The following RAPGEF1 variants were observed in gnomAD, a reference collection of about 807,000 sequenced individuals.
RAPGEF1 encodes the protein CRK SH3-binding GNRP.
RAPGEF1 carries 33 observed loss-of-function variants against 143.3 expected under a neutral mutation model. That is an observed-to-expected ratio of 0.23 (90% CI 0.17 to 0.31). The LOEUF (loss-of-function observed/expected upper bound fraction) is 0.31. Ranked by LOEUF, RAPGEF1 falls within the 10% of genes least tolerant of loss-of-function variation. The pLI is 1.00. For missense variants in RAPGEF1, 1,199 were observed against 1,645.4 expected, an observed-to-expected ratio of 0.73 and a Z score of 4.69; for synonymous variants, 629 against 676.5, an observed-to-expected ratio of 0.93 and a Z score of 1.09.
At chr9:131,711,125 A>C (rs939322771) in intron 1 of RAPGEF1, among the ~76,000 whole-genome samples, 2 of 149,570 alleles carry the variant, frequency 1.3e-5, no homozygotes, top group Non-Finnish European at 3.0e-5. Context: ...ATCATGGCTC[A>C]CTGCAACCTC....
chr9:131,628,997 G>A lies in RAPGEF1; in HGVS notation c.893+105C>T, dbSNP rs1964104322. ...CAGCTCCAGAGTCAGCCTCCCAAGG[G>A]GGGCCAAGCCCTCAGCGCTGAGGGG... On this transcript the variant is annotated intron_variant, in intron 7 of 26. Transcript: ENST00000683357. This position sits in a 1 kb window ranked among gnomAD's most constrained non-coding sequence, Gnocchi z 5.7. 1 of 1,433,554 alleles carries A rather than the reference G, an allele frequency of 7.0e-7. No individual in the cohort carries two copies. The highest frequency in any genetic ancestry group is 9.3e-7 in the Non-Finnish European group (1 of 1,075,848). The allele number at this position is 1,433,554 out of a possible 1,614,324, so 88.8% of individuals were successfully genotyped here.
At chr9:131,612,676 C>A (rs969906266) in intron 12 of RAPGEF1, among the ~76,000 whole-genome samples, 2 of 152,306 alleles carry the variant, frequency 1.3e-5, no homozygotes, top group Admixed American at 6.5e-5. Context: ...TCTGCATGTA[C>A]CTCCTTCCAC....
At chr9:131,672,437 A>G (rs1831554319) in intron 1 of RAPGEF1, among the ~76,000 whole-genome samples, 1 of 152,216 alleles carries the variant, frequency 6.6e-6, no homozygotes, top group African/African-American at 2.4e-5. Context: ...TCTGGATGCC[A>G]GCTCTTTAGC....
chr9:131,601,352 G>A (rs193051671), intron 15 of RAPGEF1, among the ~76,000 whole-genome samples: 1 of 152,066 alleles, frequency 6.6e-6, no homozygotes, highest in South Asian at 2.1e-4. Flanking sequence ...AAGTGGAGGG[G>A]GTGTCTTTTA....
At chr9:131,713,239 TG>T (rs1254712990) in intron 1 of RAPGEF1, among the ~76,000 whole-genome samples, 1 of 152,084 alleles carries the variant, frequency 6.6e-6, no homozygotes, top group Non-Finnish European at 1.5e-5. Flanking sequence ...GACCTGGCCA[TG>T]TGTTATCAAG....
At chr9:131,665,810 C>T (rs1476570299) in intron 1 of RAPGEF1, among the ~76,000 whole-genome samples, 1 of 152,184 alleles carries the variant, frequency 6.6e-6, no homozygotes, top group Non-Finnish European at 1.5e-5. Flanking sequence ...GCTCTTAGAA[C>T]AAGCTGCATC....
At chr9:131,695,401 C>A (rs1834094084) in intron 1 of RAPGEF1, among the ~76,000 whole-genome samples, 1 of 152,184 alleles carries the variant, frequency 6.6e-6, no homozygotes, top group African/African-American at 2.4e-5. Context: ...CATGGATGAG[C>A]CATTTAGTGT....
Position 131,584,716 on chromosome 9 carries a change from T to C in RAPGEF1, c.3234-120A>G. Reference sequence around the variant, plus strand: ...CCAGTGGCCACGAGCCCACCCCTACTGAATACCTGCAGCCTGCCCCAGGCA... The same window carrying C: ...CCAGTGGCCACGAGCCCACCCCTACCGAATACCTGCAGCCTGCCCCAGGCA... On this transcript the variant is annotated intron_variant, in intron 22 of 26. Transcript: ENST00000683357. The surrounding 1 kb of genome is among the most constrained non-coding windows in gnomAD (Gnocchi z 6.8). 1 of 864,100 alleles carries C rather than the reference T, an allele frequency of 1.2e-6. No individual in the cohort carries two copies. Among genetic ancestry groups the C allele is most frequent in the Non-Finnish European group, 1.9e-6 (1 of 530,864 alleles). 53.5% of individuals were successfully genotyped at this position (864,100 alleles called of 1,614,324 possible).
intron 14 of RAPGEF1, among the ~76,000 whole-genome samples, chr9:131,603,694 C>A (rs1399919390): frequency 6.6e-6 from 1 of 152,184 alleles, no homozygotes; most frequent in African/African-American, 2.4e-5. Flanking sequence ...ACGCTGGTCC[C>A]AGAGATTTCT....
chr9:131,689,206 G>A (rs1205100405), intron 1 of RAPGEF1, among the ~76,000 whole-genome samples: 1 of 152,096 alleles, frequency 6.6e-6, no homozygotes, highest in Admixed American at 6.6e-5. Flanking sequence ...TACCTGTCTT[G>A]TTTGTCAACA....
chr9:131,698,255 G>T (rs1834341711), intron 1 of RAPGEF1, among the ~76,000 whole-genome samples: 1 of 152,194 alleles, frequency 6.6e-6, no homozygotes, highest in Admixed American at 6.5e-5. Context: ...GCAAAGGGAG[G>T]AGGGGCCCTC....
At position 131,626,452 on chromosome 9, in the gene RAPGEF1, C is replaced by T. The variant is rs551145509; in HGVS notation, c.1202-30G>A. 775 of 1,530,610 alleles carry T rather than the reference C, an allele frequency of 5.1e-4. 10 individuals carry two copies. In the South Asian group the frequency reaches 9.1e-3, roughly 18 times the overall value. 94.8% of individuals were successfully genotyped at this position (1,530,610 alleles called of 1,614,324 possible). A position where few individuals can be genotyped will look rare whatever the true frequency, so the allele number is the denominator to read the frequency against. On this transcript the variant is annotated intron_variant, in intron 9 of 26. Transcript: ENST00000683357. Reference sequence around the variant, plus strand: ...AGTTACAACAGGGGAAAAAGAGACCCGTTAGCCACAGGCCCTGCAGGAGCA... The same window carrying T: ...AGTTACAACAGGGGAAAAAGAGACCTGTTAGCCACAGGCCCTGCAGGAGCA...
intron 1 of RAPGEF1, among the ~76,000 whole-genome samples, chr9:131,664,001 C>G (rs1225806748): frequency 6.6e-6 from 1 of 152,122 alleles, no homozygotes; most frequent in African/African-American, 2.4e-5. Flanking sequence ...GTAATAGGCC[C>G]CCACCCTTTA....
In RAPGEF1 at chr9:131,626,301, T is replaced by G. The variant is rs139099963; in HGVS notation, c.1323A>C (p.Pro441=). The part of the protein sequence containing the change: ...LPESLGESGS[P]FLGPPFQLPL... Reference sequence around the variant, plus strand: ...GCAGCTGGAAAGGAGGGCCAAGAAATGGAGACCCAGACTCCCCCAAAGACT... The same window carrying G: ...GCAGCTGGAAAGGAGGGCCAAGAAAGGGAGACCCAGACTCCCCCAAAGACT... Residue 441 remains proline, a synonymous_variant, in exon 10 of 27, where the codon CCA becomes CCC. Coordinates refer to ENST00000683357, the MANE Select transcript of RAPGEF1 (RefSeq NM_001377935.1). 1.1e-4 allele frequency: 174 copies of G among 1,613,862 alleles called. No homozygotes were observed. In the African/African-American group the frequency reaches 2.1e-3, roughly 19 times the overall value.
intron 17 of RAPGEF1, among the ~76,000 whole-genome samples, chr9:131,592,976 C>T (rs1391647448): frequency 6.6e-6 from 1 of 152,208 alleles, no homozygotes; most frequent in Admixed American, 6.5e-5. Context: ...CTCTTGGCCT[C>T]AAGTGATTCA....
intron 1 of RAPGEF1, among the ~76,000 whole-genome samples, chr9:131,689,828 G>A (rs952688895): frequency 2.6e-5 from 4 of 152,218 alleles, no homozygotes; most frequent in East Asian, 1.9e-4. Flanking sequence ...GCGAGCCACC[G>A]CGCTTGGCCA....
chr9:131,644,847 T>TA (rs1409609391), intron 3 of RAPGEF1, among the ~76,000 whole-genome samples: 1 of 152,130 alleles, frequency 6.6e-6, no homozygotes, highest in African/African-American at 2.4e-5. Flanking sequence ...ATTTTAAATA[T>TA]AAAAATGTTC....
Position 131,579,042 on chromosome 9 carries a change from C to T in RAPGEF1, c.*455G>A, listed in dbSNP as rs750181770. On this transcript the variant is annotated 3_prime_UTR_variant, in exon 27 of 27. Coordinates refer to ENST00000683357, the MANE Select transcript of RAPGEF1 (RefSeq NM_001377935.1). ...GCTTGCCCCCATTCCAGGGCCCCTG[C>T]AGGACAGGCCACCCCAGGAGGCCTC... The T allele has an allele frequency of 4.0e-4, 64 of 161,292 alleles. No individual in the cohort carries two copies. Among genetic ancestry groups the T allele is most frequent in the South Asian group, 2.2e-3 (13 of 6,038 alleles). 10.0% of individuals were successfully genotyped at this position (161,292 alleles called of 1,614,324 possible). A position where few individuals can be genotyped will look rare whatever the true frequency, so the allele number is the denominator to read the frequency against.
intron 1 of RAPGEF1, among the ~76,000 whole-genome samples, chr9:131,652,504 CTTT>C (rs1372588118): frequency 2.0e-5 from 3 of 152,082 alleles, no homozygotes; most frequent in African/African-American, 7.2e-5. Context: ...ATTCTTTAAG[CTTT>C]TTTCTATTTA....
Sources: allele counts gnomAD v4.1 joint callset (sites outside exome capture counted in the v4.1 genomes callset), GRCh38; gene constraint gnomAD v4.1.1; non-coding constraint Gnocchi (gnomAD v3.1); transcripts MANE v1.5; gene names NCBI Gene and HGNC (gene_info 2026-07-23, HGNC 2026-07-21).